Variants in ST6GALNAC3 observed in about 807,000 individuals in gnomAD.
ST6GALNAC3 encodes the protein ST6 N-acetylgalactosaminide alpha-2,6-sialyltransferase 3.
In ST6GALNAC3, 25 loss-of-function variants were observed where a neutral mutation model predicts 32.7. The ratio of observed to expected loss-of-function variants is 0.76; its 90% CI spans 0.56 to 1.07. The LOEUF is 1.07. Among genes scored for constraint, ST6GALNAC3 ranks in the 50% least tolerant of loss-of-function variants. ST6GALNAC3 has a pLI of 0.00. For synonymous variants in ST6GALNAC3, 129 were observed against 133.1 expected (o/e 0.97, Z 0.21); for missense variants, 355 against 382.4 (o/e 0.93, Z 0.60).
intron 1 of ST6GALNAC3, among the ~76,000 whole-genome samples, chr1:76,120,255 T>C (rs1648783940): frequency 6.6e-6 from 1 of 152,228 alleles, no homozygotes; most frequent in South Asian, 2.1e-4. Context: ...GGTGGGATTT[T>C]CCTTACAGTT....
Position 76,589,094 on chromosome 1 carries a change from A to G in ST6GALNAC3, c.624-38358A>G, listed in dbSNP as rs181144413. ...ATGAATTAGTAGAATGGGAAAGTTA[A>G]TGTATTTAAACAGCTATGTCTCTGT... On this transcript the variant is annotated intron_variant, in intron 3 of 4. Transcript: ENST00000328299. Among the ~76,000 whole-genome samples, 67 of 152,306 alleles carry G rather than the reference A, an allele frequency of 4.4e-4. 2 individuals carry two copies. The highest frequency in any genetic ancestry group is 1.3e-3 in the African/African-American group (54 of 41,568).
intron 1 of ST6GALNAC3, among the ~76,000 whole-genome samples, chr1:76,132,248 C>G (rs1340664073): frequency 6.6e-6 from 1 of 152,202 alleles, no homozygotes; most frequent in East Asian, 1.9e-4. Flanking sequence ...CACAGCTCCT[C>G]CTCTTTATCT....
At chr1:76,255,305 A>G (rs1657858293) in intron 1 of ST6GALNAC3, among the ~76,000 whole-genome samples, 1 of 152,128 alleles carries the variant, frequency 6.6e-6, no homozygotes, top group Non-Finnish European at 1.5e-5. Flanking sequence ...ATACATGGCT[A>G]GCATGAACAA....
intron 1 of ST6GALNAC3, among the ~76,000 whole-genome samples, chr1:76,257,241 C>T (rs1657972695): frequency 6.6e-6 from 1 of 152,146 alleles, no homozygotes; most frequent in Non-Finnish European, 1.5e-5. Context: ...TATCACCAAT[C>T]AAAATGTCTT....
intron 3 of ST6GALNAC3, among the ~76,000 whole-genome samples, chr1:76,564,572 A>G (rs1252044669): frequency 6.9e-6 from 1 of 144,996 alleles, no homozygotes; most frequent in Admixed American, 7.1e-5. Flanking sequence ...AGTTGAATGC[A>G]GCATTTTTTT....
At chr1:76,377,987 C>T (rs1651372523) in intron 2 of ST6GALNAC3, among the ~76,000 whole-genome samples, 1 of 152,122 alleles carries the variant, frequency 6.6e-6, no homozygotes. Context: ...TTGATACTTC[C>T]CTCGTTGGAT....
At chr1:76,262,777 C>T (rs1570618166) in intron 1 of ST6GALNAC3, among the ~76,000 whole-genome samples, 1 of 152,192 alleles carries the variant, frequency 6.6e-6, no homozygotes, top group Admixed American at 6.5e-5. Flanking sequence ...CATCATCCTT[C>T]AGGATGGATC....
At chr1:76,251,094 T>A (rs140417921) in intron 1 of ST6GALNAC3, among the ~76,000 whole-genome samples, 1 of 151,090 alleles carries the variant, frequency 6.6e-6, no homozygotes, top group Non-Finnish European at 1.5e-5. Flanking sequence ...TCTCCTACCC[T>A]TTTTTTTTAT....
chr1:76,151,970 T>A lies in ST6GALNAC3; in HGVS notation c.18+77086T>A, dbSNP rs572816507. Reference sequence around the variant, plus strand: ...ACTCTTGCTGCAGTGCCCTTTCCACTTGGCTACTTAAGGCAGAAATTTAAA... The same window carrying A: ...ACTCTTGCTGCAGTGCCCTTTCCACATGGCTACTTAAGGCAGAAATTTAAA... On this transcript the variant is annotated intron_variant, in intron 1 of 4. Transcript: ENST00000328299. Among the ~76,000 whole-genome samples the A allele has an allele frequency of 7.2e-5, 11 of 152,158 alleles. No individual in the cohort carries two copies. The South Asian group carries it at 1.5e-3, about 20-fold the overall frequency.
At chr1:76,415,171 CTTTTT>C (rs71072000) in intron 3 of ST6GALNAC3, among the ~76,000 whole-genome samples, 1 of 70,462 alleles carries the variant, frequency 1.4e-5, no homozygotes, top group Admixed American at 1.7e-4. Context: ...GGATTCATGT[CTTTTT>C]TTTTTTTTTT....
At chr1:76,602,882 TAAAGA>T (rs1358163885) in intron 3 of ST6GALNAC3, among the ~76,000 whole-genome samples, 5 of 151,232 alleles carry the variant, frequency 3.3e-5, no homozygotes, top group Non-Finnish European at 7.4e-5. Flanking sequence ...AAAAAAAAAT[TAAAGA>T]AAAGACAAAC....
intron 3 of ST6GALNAC3, among the ~76,000 whole-genome samples, chr1:76,497,138 G>A (rs1379373548): frequency 2.0e-5 from 3 of 152,146 alleles, no homozygotes; most frequent in African/African-American, 7.2e-5. Context: ...AATTCTCTGT[G>A]GAAGGGGTAG....
chr1:76,249,697 T>G (rs901971578), intron 1 of ST6GALNAC3, among the ~76,000 whole-genome samples: 1 of 152,218 alleles, frequency 6.6e-6, no homozygotes, highest in African/African-American at 2.4e-5. Flanking sequence ...TTTTCATAAG[T>G]GGCTGAATCA....
At chr1:76,576,731 T>G (rs1646815001) in intron 3 of ST6GALNAC3, 1 of 802,350 alleles carries the variant, frequency 1.2e-6, no homozygotes, top group Non-Finnish European at 1.8e-6. Flanking sequence ...GGGAGCCTGA[T>G]TAATCAGTTT....
In ST6GALNAC3 at chr1:76,223,377, A is replaced by T. The variant is rs142034545; in HGVS notation, c.19-90428A>T. Among the ~76,000 whole-genome samples, 100 of 152,278 alleles carry T rather than the reference A, an allele frequency of 6.6e-4. No homozygotes were observed. In the East Asian group the frequency reaches 0.018, roughly 27 times the overall value. ...CATAAACGCGAACACAAAGAGAAGA[A>T]CAACAGATACTGGGGCTTATTTCAG... On this transcript the variant is annotated intron_variant, in intron 1 of 4. Coordinates refer to ENST00000328299, the MANE Select transcript of ST6GALNAC3 (RefSeq NM_152996.4).
Position 76,509,448 on chromosome 1 carries a change from A to T in ST6GALNAC3, c.623+97031A>T, listed in dbSNP as rs1661697383. 6.6e-6 allele frequency among the ~76,000 whole-genome samples: 1 copy of T among 152,192 alleles called. No homozygotes were observed. The highest frequency in any genetic ancestry group is 2.1e-4 in the South Asian group (1 of 4,832). On this transcript the variant is annotated intron_variant, in intron 3 of 4. Coordinates refer to ENST00000328299, the MANE Select transcript of ST6GALNAC3 (RefSeq NM_152996.4). This position sits in a 1 kb window ranked among gnomAD's most constrained non-coding sequence, Gnocchi z 5.5. ...CATAAAAAGATAGAGAAGCCATGCT[A>T]ATTCTGACACTTTGAAATGTAAGAG...
chr1:76,095,102 G>A (rs1419964535), intron 1 of ST6GALNAC3, among the ~76,000 whole-genome samples: 7 of 152,114 alleles, frequency 4.6e-5, no homozygotes, highest in African/African-American at 1.7e-4. Context: ...GGCATGAATG[G>A]AGTTAGAGTC....
At chr1:76,380,028 AG>A (rs954485269) in intron 2 of ST6GALNAC3, among the ~76,000 whole-genome samples, 4 of 152,202 alleles carry the variant, frequency 2.6e-5, no homozygotes, top group Non-Finnish European at 5.9e-5. Context: ...AAATAAATAA[AG>A]AAAAACATAT....
At chr1:76,324,996 A>G (rs1647040997) in intron 2 of ST6GALNAC3, among the ~76,000 whole-genome samples, 1 of 152,174 alleles carries the variant, frequency 6.6e-6, no homozygotes, top group Non-Finnish European at 1.5e-5. Context: ...GGTTTGTTAC[A>G]TATGTATACA....
Sources: allele counts gnomAD v4.1 joint callset (sites outside exome capture counted in the v4.1 genomes callset), GRCh38; gene constraint gnomAD v4.1.1; non-coding constraint Gnocchi (gnomAD v3.1); transcripts MANE v1.5; gene names NCBI Gene and HGNC (gene_info 2026-07-23, HGNC 2026-07-21).